Variants in HCRTR2 observed in about 807,000 individuals in gnomAD.
The protein encoded by HCRTR2 is orexin receptor type 2.
In HCRTR2, 22 loss-of-function variants were observed where a neutral mutation model predicts 49.0. The ratio of observed to expected loss-of-function variants is 0.45; its 90% confidence interval spans 0.32 to 0.64. HCRTR2 has a LOEUF of 0.64. HCRTR2 is among the 30% of genes least tolerant of loss of function. HCRTR2 has a pLI of 0.04. For missense variants in HCRTR2, 491 were observed against 559.4 expected, an observed-to-expected ratio of 0.88 and a Z score of 1.23; for synonymous variants, 236 against 205.3, an observed-to-expected ratio of 1.15 and a Z score of -1.28.
intron 1 of HCRTR2, among the ~76,000 whole-genome samples, chr6:55,132,205 A>G (rs894816418): frequency 1.3e-5 from 2 of 151,902 alleles, no homozygotes; most frequent in African/African-American, 4.8e-5. Context: ...TGATTTGTTA[A>G]TTTAATAACA....
chr6:55,147,629 C>T (rs756429816), intron 1 of HCRTR2, among the ~76,000 whole-genome samples: 1 of 152,096 alleles, frequency 6.6e-6, no homozygotes, highest in Non-Finnish European at 1.5e-5. Context: ...ATAGGCTGCT[C>T]TATGATGTTA....
At chr6:55,211,426 G>A (rs765905488) in intron 1 of HCRTR2, among the ~76,000 whole-genome samples, 17 of 152,136 alleles carry the variant, frequency 1.1e-4, no homozygotes, top group Non-Finnish European at 1.5e-4. Flanking sequence ...TTAATATGCT[G>A]CTCAGTTCTG....
chr6:55,230,536 A>C (rs1766094416), intron 1 of HCRTR2, among the ~76,000 whole-genome samples: 1 of 152,206 alleles, frequency 6.6e-6, no homozygotes, highest in African/African-American at 2.4e-5. Flanking sequence ...GTGTTGAAAG[A>C]ATACATCAAG....
intron 1 of HCRTR2, among the ~76,000 whole-genome samples, chr6:55,202,330 A>G (rs1004326443): frequency 2.0e-5 from 3 of 152,224 alleles, no homozygotes; most frequent in African/African-American, 7.2e-5. Flanking sequence ...ATTGGAAAAC[A>G]TTTATCAACT....
intron 1 of HCRTR2, among the ~76,000 whole-genome samples, chr6:55,127,018 G>A (rs544843119): frequency 9.2e-5 from 14 of 152,174 alleles, no homozygotes; most frequent in Admixed American, 2.6e-4. Context: ...ATGGGAGTGG[G>A]ACCCACCGAG....
intron 4 of HCRTR2, among the ~76,000 whole-genome samples, chr6:55,269,958 T>C (rs1282199890): frequency 6.6e-6 from 1 of 152,048 alleles, no homozygotes; most frequent in Non-Finnish European, 1.5e-5. Context: ...AGTTAGACTC[T>C]TGTCAAAACA....
chr6:55,225,809 A>G (rs4311511), intron 1 of HCRTR2, among the ~76,000 whole-genome samples: 52,375 of 152,124 alleles, frequency 0.34, 9,821 homozygotes, highest in African/African-American at 0.49. Flanking sequence ...TATAATTTCC[A>G]TCAACTCCTT....
intron 1 of HCRTR2, among the ~76,000 whole-genome samples, chr6:55,137,210 A>T (rs1427660804): frequency 6.6e-6 from 1 of 152,218 alleles, no homozygotes; most frequent in Non-Finnish European, 1.5e-5. Flanking sequence ...TATGACAGGA[A>T]TGCCAGAACT....
chr6:55,181,757 C>G (rs1044777496), intron 1 of HCRTR2, among the ~76,000 whole-genome samples: 2 of 152,168 alleles, frequency 1.3e-5, no homozygotes, highest in African/African-American at 4.8e-5. Context: ...TCCTGTATTT[C>G]AAGAGGCCAG....
intron 1 of HCRTR2, among the ~76,000 whole-genome samples, chr6:55,148,295 C>T (rs1244523310): frequency 1.3e-5 from 2 of 151,862 alleles, no homozygotes; most frequent in Non-Finnish European, 2.9e-5. Context: ...GGAACTGTAT[C>T]AATCTCTTTT....
At chr6:55,264,938 G>GT (rs1766835231) in intron 4 of HCRTR2, among the ~76,000 whole-genome samples, 2 of 151,700 alleles carry the variant, frequency 1.3e-5, no homozygotes, top group South Asian at 4.2e-4. Flanking sequence ...ATGTGTCTTT[G>GT]TTTTTTTAAT....
At chr6:55,197,392 G>A (rs1458208891) in intron 1 of HCRTR2, among the ~76,000 whole-genome samples, 1 of 151,908 alleles carries the variant, frequency 6.6e-6, no homozygotes, top group Non-Finnish European at 1.5e-5. Flanking sequence ...CTAAACATAG[G>A]CCCAAATATA....
At chr6:55,128,754 A>G (rs1764315075) in intron 1 of HCRTR2, among the ~76,000 whole-genome samples, 1 of 152,146 alleles carries the variant, frequency 6.6e-6, no homozygotes, top group African/African-American at 2.4e-5. Flanking sequence ...CAGACATTTT[A>G]GGTGTAATCA....
chr6:55,281,841 G>C (rs561017958), intron 6 of HCRTR2, among the ~76,000 whole-genome samples: 1 of 152,098 alleles, frequency 6.6e-6, no homozygotes, highest in East Asian at 1.9e-4. Context: ...GTATAATTTT[G>C]GCTTTGTATG....
At chr6:55,205,390 G>A (rs60631253) in intron 1 of HCRTR2, among the ~76,000 whole-genome samples, 4,908 of 152,246 alleles carry the variant, frequency 0.032, 246 homozygotes, top group African/African-American at 0.11. Context: ...GTAGTGAAGA[G>A]ATTGAAATGT....
In HCRTR2 at chr6:55,277,401, G is replaced by T; in HGVS notation, c.784G>T (p.Val262Phe). The change falls in exon 5 of 7, where the codon GTT (valine) becomes TTT (phenylalanine). Residue 262 changes from valine (V) to phenylalanine (F), a missense_variant. Physicochemically the swap from Val to Phe is conservative, Grantham distance 50 (BLOSUM62 -1). Transcript: ENST00000370862. ...TCAGATCCCTGGAACATCATCTGTA[G>T]TTCAGAGAAAATGGAAGCCCCTGCA... is the stretch of plus-strand genomic sequence containing the variant. The part of the protein sequence containing the change: ...CRQIPGTSSV[V>F]QRKWKPLQPV... The T allele has an allele frequency of 6.2e-7, 1 of 1,613,960 alleles. No homozygotes were observed. The highest frequency in any genetic ancestry group is 8.5e-7 in the Non-Finnish European group (1 of 1,179,908).
intron 1 of HCRTR2, among the ~76,000 whole-genome samples, chr6:55,143,514 T>C (rs1351026031): frequency 1.3e-5 from 2 of 152,216 alleles, no homozygotes; most frequent in Non-Finnish European, 2.9e-5. Context: ...GCTTAGAAAA[T>C]GTTTTCTATT....
chr6:55,118,891 A>C (rs1764156384), intron 1 of HCRTR2, among the ~76,000 whole-genome samples: 1 of 150,760 alleles, frequency 6.6e-6, no homozygotes, highest in Non-Finnish European at 1.5e-5. Flanking sequence ...ATACCCATCA[A>C]CCCGTCACCT....
chr6:55,199,733 T>A (rs746566031), intron 1 of HCRTR2, among the ~76,000 whole-genome samples: 5 of 152,116 alleles, frequency 3.3e-5, no homozygotes, highest in Non-Finnish European at 7.3e-5. Context: ...TTGGGGAAAA[T>A]TTAAAGCTGG....
Sources: gnomAD v4.1 joint callset for allele counts (sites outside exome capture counted in the v4.1 genomes callset) on GRCh38, gnomAD v4.1.1 for gene constraint, MANE v1.5 for transcripts, NCBI Gene and HGNC (gene_info 2026-07-23, HGNC 2026-07-21) for gene names.